TBCD: variants seen among roughly 807,000 people sequenced by gnomAD.
TBCD encodes the protein tubulin folding cofactor D.
TBCD carries 105 observed loss-of-function variants against 169.3 expected under a neutral mutation model. The ratio of observed to expected loss-of-function variants is 0.62; its 90% CI spans 0.53 to 0.73. The LOEUF (loss-of-function observed/expected upper bound fraction) is 0.73, where lower values mean the gene tolerates loss of function less well. Among genes scored for constraint, TBCD ranks in the 30% least tolerant of loss-of-function variants. The pLI is 0.00. For missense variants in TBCD, 1,444 were observed against 1,600.1 expected, an observed-to-expected ratio of 0.90 and a Z score of 1.66; for synonymous variants, 700 against 643.9, an observed-to-expected ratio of 1.09 and a Z score of -1.32.
Position 82,903,259 on chromosome 17 carries a change from A to T in TBCD, c.1731-146A>T, listed in dbSNP as rs1021762361. On this transcript the variant is annotated intron_variant, in intron 18 of 38. Transcript: ENST00000355528. This position sits in a 1 kb window ranked among gnomAD's most constrained non-coding sequence, Gnocchi z 4.8. Reference sequence around the variant, plus strand: ...GTCTGTTGGAGTCGGAGGTTCTTGTACTGGTTCGTGTGAGTGAGTGAGTGA... The same window carrying T: ...GTCTGTTGGAGTCGGAGGTTCTTGTTCTGGTTCGTGTGAGTGAGTGAGTGA... 3.0e-5 allele frequency: 21 copies of T among 707,820 alleles called. No homozygotes were observed. The African/African-American group carries it at 3.6e-4, about 12-fold the overall frequency. 43.8% of individuals were successfully genotyped at this position (707,820 alleles called of 1,614,324 possible).
At chr17:82,941,627 G>T (rs2063284491) in intron 38 of TBCD, 144 bp downstream of exon 38, 2 of 734,298 alleles carry the variant, frequency 2.7e-6, no homozygotes, top group Admixed American at 5.4e-5. Context: ...TGGGATTACG[G>T]GACCAGCAGA....
rs370540580 is a variant in TBCD at position 82,924,923 on chromosome 17, C to T, written c.2261-16C>T. 3.4e-4 allele frequency: 526 copies of T among 1,550,702 alleles called. 6 individuals are homozygous for T. Among genetic ancestry groups the T allele is most frequent in the Middle Eastern group, 1.7e-4 (1 of 6,014 alleles). On this transcript the variant is annotated splice_polypyrimidine_tract_variant and intron_variant, in intron 26 of 38. Coordinates refer to ENST00000355528, the MANE Select transcript of TBCD (RefSeq NM_005993.5). Reference sequence around the variant, plus strand: ...GCAGCAGAGGGCCTCTCTTCACACTCGTTGCTTCCTTTCAGAGGAGCTGAT... The same window carrying T: ...GCAGCAGAGGGCCTCTCTTCACACTTGTTGCTTCCTTTCAGAGGAGCTGAT...
chr17:82,876,308 C>T (rs1333339473), intron 14 of TBCD, among the ~76,000 whole-genome samples: 1 of 152,186 alleles, frequency 6.6e-6, no homozygotes, highest in East Asian at 1.9e-4. Flanking sequence ...CCAGCGAAAG[C>T]AAACGGGCGA....
In TBCD at chr17:82,893,006, C is replaced by T. The variant is rs114519022; in HGVS notation, c.1564-541C>T. The T allele has an allele frequency of 9.9e-3, 1,516 of 152,578 alleles. 32 individuals are homozygous for T. The highest frequency in any genetic ancestry group is 0.034 in the African/African-American group (1,405 of 41,558). The allele number at this position is 152,578 out of a possible 1,614,324, so 9.5% of individuals were successfully genotyped here. On this transcript the variant is annotated intron_variant, in intron 16 of 38. Coordinates refer to ENST00000355528, the MANE Select transcript of TBCD (RefSeq NM_005993.5). ...GTCAGCTGTCACCACCCCCAAGAAC[C>T]GGCTGGGCCAGCTGCCCCCAGTCAA...
rs2053494948 is a variant in TBCD, at chr17:82,831,380, C to T, written c.1318+16446C>T. The T allele has an allele frequency of 2.5e-6, 4 of 1,614,026 alleles. No homozygotes were observed. The highest frequency in any genetic ancestry group is 1.6e-4 in the Middle Eastern group (1 of 6,084). ...GGGTTTAACCTGGAAGGACTCGAGG[C>T]TGGATAGACCAGGGTGGCTTCTTCA... On this transcript the variant is annotated intron_variant, in intron 13 of 38. Coordinates refer to ENST00000355528, the MANE Select transcript of TBCD (RefSeq NM_005993.5). This position sits in a 1 kb window ranked among gnomAD's most constrained non-coding sequence, Gnocchi z 4.6.
intron 25 of TBCD, 130 bp downstream of exon 25, chr17:82,921,707 G>A (rs1271774088): frequency 1.3e-6 from 1 of 781,952 alleles, no homozygotes; most frequent in African/African-American, 1.7e-5. Flanking sequence ...GACAAATGGG[G>A]GCATAATTCT....
chr17:82,830,304 C>T, intron 13 of TBCD: 1 of 1,614,216 alleles, frequency 6.2e-7, no homozygotes, highest in Non-Finnish European at 8.5e-7. Context: ...CCATGGAGCT[C>T]AGTGTGGGTG....
intron 13 of TBCD, chr17:82,830,021 T>C: frequency 1.4e-6 from 2 of 1,480,958 alleles, no homozygotes; most frequent in Non-Finnish European, 9.2e-7. Flanking sequence ...GTTTGTTTTT[T>C]TGAGAAGCAG....
chr17:82,876,278 G>C (rs1337508132), intron 14 of TBCD, among the ~76,000 whole-genome samples: 6 of 152,200 alleles, frequency 3.9e-5, no homozygotes, highest in Non-Finnish European at 5.9e-5. Flanking sequence ...AAATCCTGGT[G>C]AAGTATCACA....
Position 82,835,297 on chromosome 17 carries a change from C to G in TBCD, c.1318+20363C>G, listed in dbSNP as rs1004008122. Among the ~76,000 whole-genome samples, 49 of 152,210 alleles carry G rather than the reference C, an allele frequency of 3.2e-4. No homozygotes were observed. Among genetic ancestry groups the G allele is most frequent in the Non-Finnish European group, 4.4e-5 (3 of 68,042 alleles). On this transcript the variant is annotated intron_variant, in intron 13 of 38. Transcript: ENST00000355528. This position sits in a 1 kb window ranked among gnomAD's most constrained non-coding sequence, Gnocchi z 4.5. ...CACCCCTCCTCCCTGCACCCGTGTC[C>G]TTCCTCCCACACGCCAGGGGCCAGG...
intron 1 of TBCD, among the ~76,000 whole-genome samples, chr17:82,755,242 C>G (rs1222403880): frequency 1.3e-5 from 2 of 152,100 alleles, no homozygotes; most frequent in Admixed American, 6.6e-5. Context: ...CAAGGTTTTT[C>G]TTATGCAGAT....
intron 9 of TBCD, among the ~76,000 whole-genome samples, chr17:82,805,342 T>G (rs2050879751): frequency 6.6e-6 from 1 of 152,210 alleles, no homozygotes; most frequent in Non-Finnish European, 1.5e-5. Flanking sequence ...TCATGGCGTG[T>G]CCAGGGGATG....
rs1300535366 is a variant in TBCD, at chr17:82,920,605, T to G, written c.2088T>G (p.Gly696=). 6.4e-7 allele frequency: 1 copy of G among 1,550,884 alleles called. No homozygotes were observed. The highest frequency in any genetic ancestry group is 1.4e-5 in the African/African-American group (1 of 72,896). The change falls in exon 24 of 39, where the codon GGT becomes GGG. Residue 696 remains glycine, a synonymous_variant. Transcript: ENST00000355528. This position sits in a 1 kb window ranked among gnomAD's most constrained non-coding sequence, Gnocchi z 4.1. ...KLSLSKMPFR[G]DTVIDGWQWL... ...CACTTTCCAAAATGCCCTTTAGAGG[T>G]GACACCGTAATTGGTAAGTGCTTTT...
At chr17:82,753,116 C>A (rs2047204142) in intron 1 of TBCD, among the ~76,000 whole-genome samples, 1 of 152,188 alleles carries the variant, frequency 6.6e-6, no homozygotes, top group Admixed American at 6.5e-5. Context: ...TTTTGTAATT[C>A]AGTAAAATCA....
intron 13 of TBCD, among the ~76,000 whole-genome samples, chr17:82,855,799 CTG>C (rs1251235753): frequency 6.6e-6 from 1 of 152,180 alleles, no homozygotes; most frequent in East Asian, 1.9e-4. Context: ...CGACACATGA[CTG>C]TATTCCCAAC....
chr17:82,941,340 C>T (rs907303124), intron 37 of TBCD, 59 bp from the exon 38 acceptor site: 59 of 1,456,548 alleles, frequency 4.1e-5, no homozygotes, highest in Non-Finnish European at 5.3e-5. Context: ...GGGACCTCCG[C>T]ACACCTGAGG....
intron 35 of TBCD, chr17:82,937,607 C>G (rs12051851): frequency 0.38 from 227,691 of 602,486 alleles, 44,811 homozygotes; most frequent in African/African-American, 0.56. Context: ...TCTGCCCTGG[C>G]GGGAGGGGAG....
Position 82,768,413 on chromosome 17 carries a change from T to G in TBCD, c.436-7T>G. On this transcript the variant is annotated splice_polypyrimidine_tract_variant and splice_region_variant and intron_variant, in intron 4 of 38. Coordinates refer to ENST00000355528, the MANE Select transcript of TBCD (RefSeq NM_005993.5). ...AGACTCATTCTTCCCGTGGTTTAAT[T>G]TTTTAGGCTTGGGAAACCCGCTACA... The G allele has an allele frequency of 1.9e-6, 3 of 1,613,780 alleles. No homozygotes were observed. The highest frequency in any genetic ancestry group is 2.5e-6 in the Non-Finnish European group (3 of 1,179,734).
Position 82,828,490 on chromosome 17 carries a change from A to G in TBCD, c.1318+13556A>G, listed in dbSNP as rs2053142013. ...CACAGATACACACACGTGCACATCCACACAATCGAATGCACCCCCCCCGCA... is the reference window on the plus strand; with the variant it reads ...CACAGATACACACACGTGCACATCCGCACAATCGAATGCACCCCCCCCGCA... On this transcript the variant is annotated intron_variant, in intron 13 of 38. Coordinates refer to ENST00000355528, the MANE Select transcript of TBCD (RefSeq NM_005993.5). Among the ~76,000 whole-genome samples, 5 of 142,006 alleles carry G rather than the reference A, an allele frequency of 3.5e-5. No individual in the cohort carries two copies. In the Admixed American group the frequency reaches 3.6e-4, roughly 10 times the overall value. 93.2% of individuals were successfully genotyped at this position (142,006 alleles called of 152,430 possible).
Sources: allele counts gnomAD v4.1 joint callset (sites outside exome capture counted in the v4.1 genomes callset), GRCh38; gene constraint gnomAD v4.1.1; non-coding constraint Gnocchi (gnomAD v3.1); transcripts MANE v1.5; gene names NCBI Gene and HGNC (gene_info 2026-07-23, HGNC 2026-07-21).